The following PPARGC1A variants were observed in gnomAD, a reference collection of about 807,000 sequenced individuals.
PPARGC1A encodes the protein peroxisome proliferator-activated receptor gamma coactivator 1-alpha.
PPARGC1A carries 25 observed loss-of-function variants against 88.7 expected under a neutral mutation model. That is an observed-to-expected ratio of 0.28 (90% CI 0.21 to 0.39). The LOEUF (loss-of-function observed/expected upper bound fraction) is 0.39. Among genes scored for constraint, PPARGC1A ranks in the 10% least tolerant of loss-of-function variants. The pLI is 1.00. For missense variants in PPARGC1A, 880 were observed against 968.7 expected (o/e 0.91, Z 1.22); for synonymous variants, 363 against 355.6 (o/e 1.02, Z -0.24).
chr4:23,905,920 A>T (rs1229374592), upstream of PPARGC1A, among the ~76,000 whole-genome samples: 1 of 152,146 alleles, frequency 6.6e-6, no homozygotes, highest in African/African-American at 2.4e-5. Context: ...TCTCTTCACA[A>T]ATCAGAAGGG....
chr4:24,428,138 G>T, the PPARGC1A span, among the ~76,000 whole-genome samples: 1 of 144,024 alleles, frequency 6.9e-6, no homozygotes, highest in East Asian at 2.0e-4. Flanking sequence ...AAAAAAAAAA[G>T]AATTATCCAG....
At chr4:24,112,908 G>T in the PPARGC1A span, among the ~76,000 whole-genome samples, 1 of 152,226 alleles carries the variant, frequency 6.6e-6, no homozygotes, top group East Asian at 1.9e-4. Context: ...ATGGGAAGCC[G>T]GGCCAAGAGA....
the PPARGC1A span, among the ~76,000 whole-genome samples, chr4:24,241,907 G>A: frequency 5.3e-5 from 8 of 152,120 alleles, no homozygotes; most frequent in Middle Eastern, 3.2e-3. Flanking sequence ...TATCCCTGTC[G>A]TTTTGCTCCG....
the PPARGC1A span, among the ~76,000 whole-genome samples, chr4:24,128,563 T>C: frequency 6.6e-6 from 1 of 150,854 alleles, no homozygotes; most frequent in African/African-American, 2.4e-5. Context: ...TGTGTGTGTG[T>C]GTGTGTGTGT....
the PPARGC1A span, among the ~76,000 whole-genome samples, chr4:23,988,743 T>A: frequency 1.3e-5 from 2 of 151,156 alleles, no homozygotes; most frequent in Admixed American, 6.6e-5. Flanking sequence ...TTTATATTTG[T>A]GTGCATATAT....
chr4:24,028,670 T>C, the PPARGC1A span, among the ~76,000 whole-genome samples: 3 of 152,200 alleles, frequency 2.0e-5, no homozygotes, highest in Non-Finnish European at 4.4e-5. Flanking sequence ...TAGAAAGTTA[T>C]TTATGGTGCT....
chr4:23,952,263 T>C, the PPARGC1A span, among the ~76,000 whole-genome samples: 372 of 152,240 alleles, frequency 2.4e-3, 1 homozygote, highest in African/African-American at 8.7e-3. Flanking sequence ...CCCTTTATTC[T>C]TTTCTCCCCA....
At chr4:23,879,801 A>G (rs1715555679) in intron 2 of PPARGC1A, 1 of 152,160 alleles carries the variant, frequency 6.6e-6, no homozygotes, top group Non-Finnish European at 1.5e-5. Flanking sequence ...ATCTTCAATG[A>G]CATCCTACTT....
the PPARGC1A span, among the ~76,000 whole-genome samples, chr4:24,402,467 T>C: frequency 5.9e-5 from 9 of 152,284 alleles, no homozygotes; most frequent in Admixed American, 3.3e-4. Context: ...CTGATCCCCA[T>C]GACAATCCGA....
the PPARGC1A span, among the ~76,000 whole-genome samples, chr4:24,450,614 T>A: frequency 2.6e-5 from 4 of 152,152 alleles, no homozygotes; most frequent in Non-Finnish European, 4.4e-5. Flanking sequence ...GGATCTAAAG[T>A]CTATATTTTT....
the PPARGC1A span, among the ~76,000 whole-genome samples, chr4:24,206,840 T>TAAAAAAAAA: frequency 2.3e-5 from 1 of 43,678 alleles, no homozygotes; most frequent in African/African-American, 7.4e-5. Context: ...GACTTCACCT[T>TAAAAAAAAA]AAAAAAAAAA....
At chr4:23,946,829 TAC>T in the PPARGC1A span, among the ~76,000 whole-genome samples, 29 of 150,146 alleles carry the variant, frequency 1.9e-4, no homozygotes, top group Admixed American at 4.0e-4. Context: ...CACACACACA[TAC>T]ACACACACAC....
At chr4:23,979,302 T>C in the PPARGC1A span, among the ~76,000 whole-genome samples, 1 of 152,222 alleles carries the variant, frequency 6.6e-6, no homozygotes. Flanking sequence ...TTTTAAGGGA[T>C]ACTTTCTCCT....
chr4:24,035,531 G>A, the PPARGC1A span, among the ~76,000 whole-genome samples: 2 of 151,828 alleles, frequency 1.3e-5, no homozygotes, highest in Non-Finnish European at 2.9e-5. Flanking sequence ...GGGCGATGGA[G>A]CAAGATTCTG....
At chr4:24,105,851 C>G in the PPARGC1A span, among the ~76,000 whole-genome samples, 1 of 152,070 alleles carries the variant, frequency 6.6e-6, no homozygotes, top group Non-Finnish European at 1.5e-5. Flanking sequence ...GAGAAGAGGC[C>G]CCAGCTCACG....
At chr4:24,148,156 C>T in the PPARGC1A span, among the ~76,000 whole-genome samples, 2 of 152,280 alleles carry the variant, frequency 1.3e-5, no homozygotes, top group South Asian at 2.1e-4. Context: ...ATTTCTCCCC[C>T]CACAAAAACA....
the PPARGC1A span, among the ~76,000 whole-genome samples, chr4:24,389,176 C>T: frequency 6.6e-6 from 1 of 151,934 alleles, no homozygotes; most frequent in Non-Finnish European, 1.5e-5. Flanking sequence ...TTTGAATATG[C>T]TCAAATAACA....
the PPARGC1A span, among the ~76,000 whole-genome samples, chr4:24,363,985 G>T: frequency 2.0e-5 from 3 of 152,120 alleles, no homozygotes; most frequent in Admixed American, 6.6e-5. Flanking sequence ...TGTTCCTTAT[G>T]TAATCAGTAG....
chr4:24,044,380 C>T, the PPARGC1A span, among the ~76,000 whole-genome samples: 1 of 152,300 alleles, frequency 6.6e-6, no homozygotes, highest in Non-Finnish European at 1.5e-5. Flanking sequence ...AAGAACCGTT[C>T]TGATGCCTGC....
Sources: allele counts gnomAD v4.1 joint callset (sites outside exome capture counted in the v4.1 genomes callset), GRCh38; gene constraint gnomAD v4.1.1; transcripts MANE v1.5; gene names NCBI Gene and HGNC (gene_info 2026-07-23, HGNC 2026-07-21).